TAFA1: variants seen among roughly 807,000 people sequenced by gnomAD.
TAFA1 encodes the protein TAFA chemokine like family member 1.
A neutral mutation model predicts 18.5 loss-of-function variants in TAFA1; 4 were observed. That is an observed-to-expected ratio of 0.22 (90% CI 0.11 to 0.49). TAFA1 has a LOEUF of 0.49. Ranked by LOEUF, TAFA1 falls within the 20% of genes least tolerant of loss-of-function variation. The probability of loss-of-function intolerance (pLI) is 0.98; values close to 1 mark genes in which losing one functional copy is unlikely to be tolerated. For missense variants in TAFA1, 147 were observed against 169.0 expected (o/e 0.87, Z 0.72); for synonymous variants, 56 against 55.2 (o/e 1.01, Z -0.06).
Position 68,303,501 on chromosome 3 carries a change from C to T in TAFA1, c.119-113779C>T, listed in dbSNP as rs557120250. On this transcript the variant is annotated intron_variant, in intron 2 of 4. Transcript: ENST00000478136. ...TGTCACCCAGGCTGGAGTGCAGTAGCGTGATCTCAGCTCACTGCAAGCTCT... is the reference window on the plus strand; with the variant it reads ...TGTCACCCAGGCTGGAGTGCAGTAGTGTGATCTCAGCTCACTGCAAGCTCT... 4.6e-5 allele frequency among the ~76,000 whole-genome samples: 7 copies of T among 152,132 alleles called. No individual in the cohort carries two copies. In the East Asian group the frequency reaches 7.8e-4, roughly 17 times the overall value.
At chr3:68,238,964 CT>C (rs2066964288) in intron 2 of TAFA1, among the ~76,000 whole-genome samples, 1 of 152,106 alleles carries the variant, frequency 6.6e-6, no homozygotes, top group South Asian at 2.1e-4. Context: ...ACATATCCCA[CT>C]TTTTTGATTT....
intron 2 of TAFA1, among the ~76,000 whole-genome samples, chr3:68,152,196 T>G (rs193145533): frequency 9.9e-4 from 150 of 152,262 alleles, no homozygotes; most frequent in African/African-American, 3.4e-3. Context: ...CAGCACTGTT[T>G]CTGAAAGTGT....
chr3:68,162,528 C>A (rs887150408), intron 2 of TAFA1, among the ~76,000 whole-genome samples: 4 of 152,086 alleles, frequency 2.6e-5, no homozygotes, highest in Non-Finnish European at 5.9e-5. Flanking sequence ...GTTGGGGACC[C>A]CTGGTCTGGA....
chr3:68,482,466 G>A (rs190448314), intron 3 of TAFA1, among the ~76,000 whole-genome samples: 63 of 152,314 alleles, frequency 4.1e-4, no homozygotes, highest in African/African-American at 1.4e-3. Context: ...AGACCAGGGA[G>A]ATGAGAATGG....
At chr3:68,330,467 G>A (rs2068848573) in intron 2 of TAFA1, among the ~76,000 whole-genome samples, 1 of 152,174 alleles carries the variant, frequency 6.6e-6, no homozygotes, top group South Asian at 2.1e-4. Context: ...CCCTTCATAT[G>A]TTTTTACTTT....
chr3:68,287,529 C>T (rs1301843581), intron 2 of TAFA1, among the ~76,000 whole-genome samples: 1 of 152,064 alleles, frequency 6.6e-6, no homozygotes, highest in Non-Finnish European at 1.5e-5. Context: ...CACTCTCTGT[C>T]CCTTAAAGTC....
At chr3:68,491,010 T>G (rs1410829185) in intron 3 of TAFA1, among the ~76,000 whole-genome samples, 3 of 151,944 alleles carry the variant, frequency 2.0e-5, no homozygotes, top group African/African-American at 7.3e-5. Flanking sequence ...AGCTAAGTTT[T>G]GTACTTTTTA....
chr3:68,387,971 C>A (rs943878745), intron 2 of TAFA1, among the ~76,000 whole-genome samples: 1 of 152,144 alleles, frequency 6.6e-6, no homozygotes, highest in South Asian at 2.1e-4. Context: ...CAAAGTGGAA[C>A]TTCCCTGTTC....
intron 3 of TAFA1, among the ~76,000 whole-genome samples, chr3:68,476,650 T>C (rs1029734335): frequency 2.6e-5 from 4 of 152,190 alleles, no homozygotes; most frequent in Non-Finnish European, 4.4e-5. Context: ...GGCTAAAAGA[T>C]ATGCTGTGAC....
At chr3:67,997,934 A>T in the TAFA1 span, among the ~76,000 whole-genome samples, 1 of 152,132 alleles carries the variant, frequency 6.6e-6, no homozygotes, top group African/African-American at 2.4e-5. Context: ...GGTTAAGTGG[A>T]TTAAGAGCAC....
At chr3:68,165,667 AC>A (rs757602295) in intron 2 of TAFA1, among the ~76,000 whole-genome samples, 5 of 152,248 alleles carry the variant, frequency 3.3e-5, no homozygotes, top group Non-Finnish European at 7.3e-5. Context: ...TGTTTATTTA[AC>A]AAATATTTAT....
intron 2 of TAFA1, among the ~76,000 whole-genome samples, chr3:68,277,189 G>T (rs2067813216): frequency 6.6e-6 from 1 of 152,110 alleles, no homozygotes; most frequent in Admixed American, 6.6e-5. Flanking sequence ...ATTCATACCA[G>T]AATCATACCA....
At chr3:68,306,672 T>G (rs76491561) in intron 2 of TAFA1, among the ~76,000 whole-genome samples, 2,855 of 152,252 alleles carry the variant, frequency 0.019, 85 homozygotes, top group African/African-American at 0.065. Flanking sequence ...CTACATTATG[T>G]AAAAATCTGT....
chr3:68,484,922 A>G (rs552823550), intron 3 of TAFA1, among the ~76,000 whole-genome samples: 21 of 152,270 alleles, frequency 1.4e-4, no homozygotes, highest in African/African-American at 4.8e-4. Context: ...AAGGGAAACA[A>G]TTTGTTTGCT....
At chr3:68,192,366 C>T (rs552850153) in intron 2 of TAFA1, 52 of 159,316 alleles carry the variant, frequency 3.3e-4, no homozygotes, top group South Asian at 1.1e-3. Context: ...ACCACCTGGC[C>T]TCCATGTCTC....
chr3:68,102,892 G>C (rs940383912), intron 2 of TAFA1, among the ~76,000 whole-genome samples: 15 of 152,196 alleles, frequency 9.9e-5, no homozygotes, highest in African/African-American at 3.4e-4. Flanking sequence ...GCCAAGGGCT[G>C]TGTCCATCCA....
At chr3:68,542,164 C>A (rs1228382114) in intron 4 of TAFA1, among the ~76,000 whole-genome samples, 1 of 152,116 alleles carries the variant, frequency 6.6e-6, no homozygotes, top group Non-Finnish European at 1.5e-5. Context: ...CTGGATGCCA[C>A]CCTATAGAAA....
At chr3:68,125,933 A>G (rs9820035) in intron 2 of TAFA1, among the ~76,000 whole-genome samples, 79,630 of 151,960 alleles carry the variant, frequency 0.52, 21,854 homozygotes, top group South Asian at 0.64. Flanking sequence ...CTCCAGGTAG[A>G]TGATTCTAGA....
At position 68,449,136 on chromosome 3, in the gene TAFA1, A is replaced by G. The variant is rs1452891887; in HGVS notation, c.259+31716A>G. On this transcript the variant is annotated intron_variant, in intron 3 of 4. Coordinates refer to ENST00000478136, the MANE Select transcript of TAFA1 (RefSeq NM_213609.4). Reference sequence around the variant, plus strand: ...ACATCTCCACAAAATAGTGAAGTACAGTGAAAGAGAAATGCACGGAAAAGA... The same window carrying G: ...ACATCTCCACAAAATAGTGAAGTACGGTGAAAGAGAAATGCACGGAAAAGA... Among the ~76,000 whole-genome samples the G allele has an allele frequency of 2.0e-5, 3 of 152,240 alleles. No homozygotes were observed. The East Asian group carries it at 5.8e-4, about 29-fold the overall frequency.
Sources: allele counts gnomAD v4.1 joint callset (sites outside exome capture counted in the v4.1 genomes callset), GRCh38; gene constraint gnomAD v4.1.1; transcripts MANE v1.5; gene names NCBI Gene and HGNC (gene_info 2026-07-23, HGNC 2026-07-21).